The following OXNAD1 variants were observed in gnomAD, a reference collection of about 807,000 sequenced individuals.
OXNAD1 encodes the protein oxidoreductase NAD-binding domain-containing protein 1.
A neutral mutation model predicts 32.9 loss-of-function variants in OXNAD1; 34 were observed. That is an observed-to-expected ratio of 1.03 (90% CI 0.79 to 1.38). The LOEUF (loss-of-function observed/expected upper bound fraction) is 1.38, where lower values mean the gene tolerates loss of function less well. OXNAD1 is among the 40% of genes most tolerant of loss of function. The pLI is 0.00. For missense variants in OXNAD1, 407 were observed against 379.4 expected, an observed-to-expected ratio of 1.07 and a Z score of -0.60; for synonymous variants, 134 against 135.2, an observed-to-expected ratio of 0.99 and a Z score of 0.06.
At chr3:16,286,952 C>CAA (rs771392783) in intron 5 of OXNAD1, among the ~76,000 whole-genome samples, 22 of 152,264 alleles carry the variant, frequency 1.4e-4, no homozygotes, top group East Asian at 5.8e-4. Flanking sequence ...ATCATATGTA[C>CAA]CTTATTTGGG....
rs935044365 is a variant in OXNAD1, at chr3:16,299,707, C to T, written c.433-1919C>T. On this transcript the variant is annotated intron_variant, in intron 6 of 8. Transcript: ENST00000285083. The surrounding 1 kb of genome is among the most constrained non-coding windows in gnomAD (Gnocchi z 4.4). The stretch of plus-strand genomic sequence containing the variant: ...GTGTGAATGCTAAGGGTTTGGTTCT[C>T]AAAAAGCACGCGATGTGTTATTACT... Among the ~76,000 whole-genome samples, 2 of 152,186 alleles carry T rather than the reference C, an allele frequency of 1.3e-5. No individual in the cohort carries two copies. The highest frequency in any genetic ancestry group is 6.5e-5 in the Admixed American group (1 of 15,282).
At position 16,277,855 on chromosome 3, in the gene OXNAD1, G is replaced by A. The variant is rs1252662589; in HGVS notation, c.183+6133G>A. Among the ~76,000 whole-genome samples the A allele has an allele frequency of 6.6e-6, 1 of 152,206 alleles. No individual in the cohort carries two copies. Among genetic ancestry groups the A allele is most frequent in the Non-Finnish European group, 1.5e-5 (1 of 68,042 alleles). On this transcript the variant is annotated intron_variant, in intron 4 of 8. Transcript: ENST00000285083. The surrounding 1 kb of genome is among the most constrained non-coding windows in gnomAD (Gnocchi z 4.3). ...CTGAACTCTGAATTGAATTACATTG[G>A]AATGTTTGTGTTCAAGTTTTATTCA...
rs185146588 is a variant in OXNAD1, at chr3:16,273,921, C to A, written c.183+2199C>A. On this transcript the variant is annotated intron_variant, in intron 4 of 8. Coordinates refer to ENST00000285083, the MANE Select transcript of OXNAD1 (RefSeq NM_138381.5). ...ATCATTTCTGTTTCCTAATAAAAGA[C>A]CTTTATCTCCCTAAGGTTATCACCA... Among the ~76,000 whole-genome samples, 120 of 150,974 alleles carry A rather than the reference C, an allele frequency of 7.9e-4. 2 individuals carry two copies. In the East Asian group the frequency reaches 0.016, roughly 20 times the overall value.
Position 16,289,560 on chromosome 3 carries a change from A to C in OXNAD1, c.290+3112A>C, listed in dbSNP as rs112171808. ...CAAGATTAGAGAAATAAGACTTTAT[A>C]CCTACCCTTGAGCAGGGCTGCCACA... On this transcript the variant is annotated intron_variant, in intron 5 of 8. Coordinates refer to ENST00000285083, the MANE Select transcript of OXNAD1 (RefSeq NM_138381.5). This position sits in a 1 kb window ranked among gnomAD's most constrained non-coding sequence, Gnocchi z 4.9. Among the ~76,000 whole-genome samples, 4,768 of 152,302 alleles carry C rather than the reference A, an allele frequency of 0.031. 104 individuals are homozygous for C. The highest frequency in any genetic ancestry group is 0.082 in the Middle Eastern group (24 of 294).
Position 16,271,049 on chromosome 3 carries a change from T to C in OXNAD1, c.97T>C (p.Leu33=). Residue 33 remains leucine (L), a synonymous_variant, in exon 3 of 9, where the codon TTG becomes CTG. Coordinates refer to ENST00000285083, the MANE Select transcript of OXNAD1 (RefSeq NM_138381.5). The surrounding 1 kb of genome is among the most constrained non-coding windows in gnomAD (Gnocchi z 4.6). ...AASLRLTLST[L]RHLTLTSIMK... is the part of the protein sequence containing the mutation. ...GTCACTGAGATTGACACTCAGCACT[T>C]TGCGCCACCTTACTCTAACCAGGTG... 1 of 1,614,142 alleles carries C rather than the reference T, an allele frequency of 6.2e-7. No homozygotes were observed. The highest frequency in any genetic ancestry group is 8.5e-7 in the Non-Finnish European group (1 of 1,180,002).
At chr3:16,270,828 T>G (rs1346455393) in intron 2 of OXNAD1, 117 bp from the exon 3 acceptor site, 2 of 1,443,914 alleles carry the variant, frequency 1.4e-6, no homozygotes, top group Non-Finnish European at 1.9e-6. Context: ...GGTGGTAACT[T>G]GACTCATAAT....
chr3:16,301,255 A>G lies in OXNAD1; in HGVS notation c.433-371A>G, dbSNP rs2067160330. Among the ~76,000 whole-genome samples, 1 of 152,244 alleles carries G rather than the reference A, an allele frequency of 6.6e-6. No individual in the cohort carries two copies. Among genetic ancestry groups the G allele is most frequent in the Non-Finnish European group, 1.5e-5 (1 of 68,044 alleles). ...CCTGTTTCTCTCAGCTTTGGTTAGA[A>G]CACAGGAACACAACTCAGATAAAGG... On this transcript the variant is annotated intron_variant, in intron 6 of 8. Transcript: ENST00000285083. This position sits in a 1 kb window ranked among gnomAD's most constrained non-coding sequence, Gnocchi z 4.1.
chr3:16,293,601 C>G (rs746765260), intron 5 of OXNAD1, among the ~76,000 whole-genome samples: 2 of 152,114 alleles, frequency 1.3e-5, no homozygotes, highest in Non-Finnish European at 1.5e-5. Flanking sequence ...GGGAAACTTT[C>G]AGCCTTTCAC....
At position 16,322,787 on chromosome 3, in the gene OXNAD1, G is replaced by A. The variant is rs932776876; in HGVS notation, c.*31-14325G>A. On this transcript the variant is annotated intron_variant, in intron 9 of 9. Coordinates refer to the OXNAD1 transcript ENST00000435829. This position sits in a 1 kb window ranked among gnomAD's most constrained non-coding sequence, Gnocchi z 6.2. Reference sequence around the variant, plus strand: ...CTGTTTCTAGGGTAGTTCAGAGTCCGGAGAGGGGGAAAAGGGCCCTGGGGA... The same window carrying A: ...CTGTTTCTAGGGTAGTTCAGAGTCCAGAGAGGGGGAAAAGGGCCCTGGGGA... Among the ~76,000 whole-genome samples, 4 of 152,124 alleles carry A rather than the reference G, an allele frequency of 2.6e-5. No individual in the cohort carries two copies. The highest frequency in any genetic ancestry group is 1.9e-4 in the East Asian group (1 of 5,188).
Position 16,271,766 on chromosome 3 carries a change from T to C in OXNAD1, c.183+44T>C, listed in dbSNP as rs1415179709. The stretch of plus-strand genomic sequence containing the variant: ...TGACAGGTTTTTCCAGCTAGACCGT[T>C]TACATGTGGTTATGACTGGCTTATG... On this transcript the variant is annotated intron_variant, in intron 4 of 8. Coordinates refer to ENST00000285083, the MANE Select transcript of OXNAD1 (RefSeq NM_138381.5). This position sits in a 1 kb window ranked among gnomAD's most constrained non-coding sequence, Gnocchi z 4.6. 3 of 1,527,046 alleles carry C rather than the reference T, an allele frequency of 2.0e-6. No homozygotes were observed. The highest frequency in any genetic ancestry group is 2.8e-5 in the African/African-American group (2 of 71,768). 94.6% of individuals were successfully genotyped at this position (1,527,046 alleles called of 1,614,324 possible).
intron 6 of OXNAD1, among the ~76,000 whole-genome samples, chr3:16,295,218 G>C (rs536947096): frequency 3.3e-5 from 5 of 152,246 alleles, no homozygotes; most frequent in South Asian, 2.1e-4. Flanking sequence ...ACGGTATTCA[G>C]TTGAATACTG....
At position 16,329,168 on chromosome 3, in the gene OXNAD1, C is replaced by T. The variant is rs581152; in HGVS notation, c.*31-7944C>T. On this transcript the variant is annotated intron_variant, in intron 9 of 9. Transcript: ENST00000435829. This position sits in a 1 kb window ranked among gnomAD's most constrained non-coding sequence, Gnocchi z 4.5. Reference sequence around the variant, plus strand: ...CTCCTGCTCTCTCCCCTCTTTTCTGCGCTTCCGCCTCGGGATGACGCAGCA... The same window carrying T: ...CTCCTGCTCTCTCCCCTCTTTTCTGTGCTTCCGCCTCGGGATGACGCAGCA... 0.66 allele frequency among the ~76,000 whole-genome samples: 100,808 copies of T among 152,058 alleles called. 33,519 individuals carry two copies. Among genetic ancestry groups the T allele is most frequent in the African/African-American group, 0.68 (28,399 of 41,486 alleles).
intron 9 of OXNAD1, among the ~76,000 whole-genome samples, chr3:16,328,194 A>G (rs2069925764): frequency 6.6e-6 from 1 of 152,256 alleles, no homozygotes; most frequent in Non-Finnish European, 1.5e-5. Flanking sequence ...GAATGCCAGC[A>G]GAGGTGGGAG....
In OXNAD1 at chr3:16,304,819, T is replaced by C. The variant is rs561875556; in HGVS notation, c.*1257T>C. The C allele has an allele frequency of 3.3e-5, 5 of 152,248 alleles. No individual in the cohort carries two copies. The highest frequency in any genetic ancestry group is 5.9e-5 in the Non-Finnish European group (4 of 68,054). 9.4% of individuals were successfully genotyped at this position (152,248 alleles called of 1,614,324 possible). A position where few individuals can be genotyped will look rare whatever the true frequency, so the allele number is the denominator to read the frequency against. ...ACAGGTTACCCTTTCTTATCTTTGT[T>C]GTTGCAGGCCTCCCAGGGACTTGTG... On this transcript the variant is annotated 3_prime_UTR_variant, in exon 9 of 9. Transcript: ENST00000285083. The surrounding 1 kb of genome is among the most constrained non-coding windows in gnomAD (Gnocchi z 4.6).
rs532533488 is a variant in OXNAD1, at chr3:16,298,623, A to G, written c.433-3003A>G. 3.2e-4 allele frequency among the ~76,000 whole-genome samples: 49 copies of G among 152,226 alleles called. No individual in the cohort carries two copies. Among genetic ancestry groups the G allele is most frequent in the African/African-American group, 6.7e-4 (28 of 41,540 alleles). On this transcript the variant is annotated intron_variant, in intron 6 of 8. Transcript: ENST00000285083. The surrounding 1 kb of genome is among the most constrained non-coding windows in gnomAD (Gnocchi z 5.1). ...TCTTATTAAGCCATTCGAGTGGACAATGGAGGCACGTGAGTGTCTGGGTGG... is the reference window on the plus strand; with the variant it reads ...TCTTATTAAGCCATTCGAGTGGACAGTGGAGGCACGTGAGTGTCTGGGTGG...
chr3:16,315,925 A>G (rs1047581580), intron 9 of OXNAD1: 1 of 152,242 alleles, frequency 6.6e-6, no homozygotes, highest in East Asian at 1.9e-4. Flanking sequence ...TTTGGTCAAG[A>G]CAATCAGCAT....
In OXNAD1 at chr3:16,299,933, G is replaced by A. The variant is rs1304386367; in HGVS notation, c.433-1693G>A. 1.3e-5 allele frequency among the ~76,000 whole-genome samples: 2 copies of A among 152,236 alleles called. No individual in the cohort carries two copies. The highest frequency in any genetic ancestry group is 2.9e-5 in the Non-Finnish European group (2 of 68,044). On this transcript the variant is annotated intron_variant, in intron 6 of 8. Transcript: ENST00000285083. The surrounding 1 kb of genome is among the most constrained non-coding windows in gnomAD (Gnocchi z 4.4). Reference sequence around the variant, plus strand: ...CTTATGTAGAGCCAGATACTCGGGAGTTCCACCCACTGTGAGTCAGTTCAT... The same window carrying A: ...CTTATGTAGAGCCAGATACTCGGGAATTCCACCCACTGTGAGTCAGTTCAT...
In OXNAD1 at chr3:16,265,866, A is replaced by G; in HGVS notation, c.-159+361A>G. 1.0e-6 allele frequency: 1 copy of G among 985,302 alleles called. No homozygotes were observed. The highest frequency in any genetic ancestry group is 1.2e-6 in the Non-Finnish European group (1 of 829,808). 61.0% of individuals were successfully genotyped at this position (985,302 alleles called of 1,614,324 possible). A position where few individuals can be genotyped will look rare whatever the true frequency, so the allele number is the denominator to read the frequency against. On this transcript the variant is annotated intron_variant, in intron 1 of 8. Transcript: ENST00000285083. The surrounding 1 kb of genome is among the most constrained non-coding windows in gnomAD (Gnocchi z 4.8). ...CCAGGAACAAATTACTTATGTGAGT[A>G]CCAGTTTTTTCGTTGTGAAAGAAAT... is the stretch of plus-strand genomic sequence containing the variant.
chr3:16,271,629 G>A lies in OXNAD1; in HGVS notation c.120-30G>A. On this transcript the variant is annotated intron_variant, in intron 3 of 8. Transcript: ENST00000285083. This position sits in a 1 kb window ranked among gnomAD's most constrained non-coding sequence, Gnocchi z 4.6. ...TTTATTATTTTTATGAGGATAATAT[G>A]TAATAACCTAATTTTACTTTCTATT... 4 of 1,509,908 alleles carry A rather than the reference G, an allele frequency of 2.6e-6. No individual in the cohort carries two copies. Among genetic ancestry groups the A allele is most frequent in the South Asian group, 1.2e-5 (1 of 83,400 alleles). 93.5% of individuals were successfully genotyped at this position (1,509,908 alleles called of 1,614,324 possible).
Sources: allele counts gnomAD v4.1 joint callset (sites outside exome capture counted in the v4.1 genomes callset), GRCh38; gene constraint gnomAD v4.1.1; non-coding constraint Gnocchi (gnomAD v3.1); transcripts MANE v1.5; gene names NCBI Gene and HGNC (gene_info 2026-07-23, HGNC 2026-07-21).